Variants in LYPLAL1 observed in about 807,000 individuals in gnomAD.
LYPLAL1 encodes lysophospholipase-like protein 1.
A neutral mutation model predicts 19.7 loss-of-function variants in LYPLAL1; 23 were observed. The ratio of observed to expected loss-of-function variants is 1.17; its 90% CI spans 0.84 to 1.65. The LOEUF is 1.65. LYPLAL1 is among the 40% of genes most tolerant of loss of function. The pLI, the probability that LYPLAL1 is intolerant of heterozygous loss-of-function variation, is 0.00. For synonymous variants in LYPLAL1, 119 were observed against 96.3 expected (o/e 1.24, Z -1.38); for missense variants, 355 against 279.4 (o/e 1.27, Z -1.93).
chr1:219,398,258 C>T, the LYPLAL1 span, among the ~76,000 whole-genome samples: 1 of 152,100 alleles, frequency 6.6e-6, no homozygotes, highest in South Asian at 2.1e-4. Flanking sequence ...CCCTTTTATT[C>T]TTTTTTTCTC....
At chr1:219,303,221 G>A in the LYPLAL1 span, among the ~76,000 whole-genome samples, 5 of 152,130 alleles carry the variant, frequency 3.3e-5, no homozygotes, top group Non-Finnish European at 7.4e-5. Flanking sequence ...CAACAACAAT[G>A]TATTGGATGT....
the LYPLAL1 span, among the ~76,000 whole-genome samples, chr1:219,245,792 A>G: frequency 1.3e-5 from 2 of 152,330 alleles, no homozygotes; most frequent in South Asian, 4.1e-4. Flanking sequence ...GTAAGGAGAT[A>G]ATTTCATCCT....
chr1:219,188,357 C>T (rs1039655866), intron 2 of LYPLAL1, among the ~76,000 whole-genome samples: 5 of 151,760 alleles, frequency 3.3e-5, no homozygotes, highest in Non-Finnish European at 4.4e-5. Context: ...CAAAGAAGCT[C>T]CCCTGAGAAG....
chr1:219,184,104 A>G (rs1291470566), intron 2 of LYPLAL1, among the ~76,000 whole-genome samples: 1 of 151,834 alleles, frequency 6.6e-6, no homozygotes, highest in African/African-American at 2.4e-5. Flanking sequence ...ACCTGTTTGG[A>G]TTTTGATTGA....
the LYPLAL1 span, among the ~76,000 whole-genome samples, chr1:219,378,846 G>A: frequency 6.6e-6 from 1 of 152,134 alleles, no homozygotes; most frequent in Non-Finnish European, 1.5e-5. Flanking sequence ...ATTTTTAATT[G>A]GAACTTTAAT....
chr1:219,319,686 G>C, the LYPLAL1 span, among the ~76,000 whole-genome samples: 2 of 152,178 alleles, frequency 1.3e-5, no homozygotes, highest in African/African-American at 4.8e-5. Context: ...ATTGGAGAAA[G>C]AGGCAAGAGT....
At chr1:219,248,978 A>G in the LYPLAL1 span, among the ~76,000 whole-genome samples, 1 of 152,034 alleles carries the variant, frequency 6.6e-6, no homozygotes, top group Non-Finnish European at 1.5e-5. Context: ...CCCCTTCACA[A>G]ATTGTCCAAG....
chr1:219,284,885 G>T, the LYPLAL1 span, among the ~76,000 whole-genome samples: 1 of 152,104 alleles, frequency 6.6e-6, no homozygotes, highest in Non-Finnish European at 1.5e-5. Context: ...AAAGCAAATT[G>T]GATTGAATCC....
the LYPLAL1 span, among the ~76,000 whole-genome samples, chr1:219,219,210 C>T: frequency 6.6e-6 from 1 of 152,134 alleles, no homozygotes; most frequent in African/African-American, 2.4e-5. Context: ...TAATTATTCT[C>T]ATAGTTATTC....
At chr1:219,231,470 A>G in the LYPLAL1 span, among the ~76,000 whole-genome samples, 5 of 152,094 alleles carry the variant, frequency 3.3e-5, no homozygotes, top group Admixed American at 2.6e-4. Flanking sequence ...GCAAATGTGC[A>G]TATTAATAAG....
At chr1:219,231,851 G>A in the LYPLAL1 span, among the ~76,000 whole-genome samples, 3 of 152,134 alleles carry the variant, frequency 2.0e-5, no homozygotes, top group Admixed American at 2.0e-4. Flanking sequence ...TAAAGGCTAT[G>A]TCAAATAACT....
the LYPLAL1 span, among the ~76,000 whole-genome samples, chr1:219,306,147 G>C: frequency 6.6e-6 from 1 of 152,286 alleles, no homozygotes; most frequent in Admixed American, 6.5e-5. Flanking sequence ...CTTGAGTGTA[G>C]ACTTTGAGAG....
chr1:219,277,849 T>C, the LYPLAL1 span, among the ~76,000 whole-genome samples: 1 of 152,222 alleles, frequency 6.6e-6, no homozygotes, highest in African/African-American at 2.4e-5. Flanking sequence ...CACTGGCTTT[T>C]GTCCAAAAAC....
chr1:219,331,506 A>G, the LYPLAL1 span, among the ~76,000 whole-genome samples: 3 of 152,192 alleles, frequency 2.0e-5, no homozygotes, highest in African/African-American at 7.2e-5. Context: ...GACTTAACTC[A>G]TGGTAATAGC....
chr1:219,189,960 C>T lies in LYPLAL1; in HGVS notation c.192-3122C>T, dbSNP rs1031864626. Among the ~76,000 whole-genome samples, 63 of 151,434 alleles carry T rather than the reference C, an allele frequency of 4.2e-4. 1 individual carries two copies. The highest frequency in any genetic ancestry group is 1.5e-3 in the African/African-American group (62 of 41,324). On this transcript the variant is annotated intron_variant, in intron 2 of 4. Transcript: ENST00000366928. The stretch of plus-strand genomic sequence containing the variant: ...AGTAATGATAGGAGAGGGGAACTTA[C>T]CTTACACAACTTCAAAATATGCTCT...
At chr1:219,192,951 C>A in intron 2 of LYPLAL1, 131 bp from the exon 3 acceptor site, 2 of 883,232 alleles carry the variant, frequency 2.3e-6, no homozygotes, top group Non-Finnish European at 3.3e-6. Context: ...TTTTAATATG[C>A]ATTTAACTTA....
the LYPLAL1 span, among the ~76,000 whole-genome samples, chr1:219,392,807 C>A: frequency 6.6e-6 from 1 of 152,008 alleles, no homozygotes; most frequent in African/African-American, 2.4e-5. Flanking sequence ...TAAAATTGAT[C>A]TCTGATAATA....
At chr1:219,175,315 G>T (rs1644906790) in intron 1 of LYPLAL1, among the ~76,000 whole-genome samples, 1 of 152,152 alleles carries the variant, frequency 6.6e-6, no homozygotes, top group Non-Finnish European at 1.5e-5. Flanking sequence ...TAAAGGGAAA[G>T]ACGGCATATA....
intron 2 of LYPLAL1, among the ~76,000 whole-genome samples, chr1:219,183,649 T>G (rs1037563004): frequency 6.6e-6 from 1 of 151,972 alleles, no homozygotes; most frequent in African/African-American, 2.4e-5. Flanking sequence ...TTTGGCTTGT[T>G]CTTGAATTTC....
Sources: allele counts gnomAD v4.1 joint callset (sites outside exome capture counted in the v4.1 genomes callset), GRCh38; gene constraint gnomAD v4.1.1; transcripts MANE v1.5; gene names NCBI Gene and HGNC (gene_info 2026-07-23, HGNC 2026-07-21).